Variants in ACBD5 observed in about 807,000 individuals in gnomAD.
ACBD5 encodes acyl-CoA binding domain containing 5.
Under a neutral mutation model 71.8 loss-of-function variants are expected in ACBD5, and 40 were observed. That is an observed-to-expected ratio of 0.56 (90% confidence interval 0.43 to 0.72). ACBD5 has a LOEUF of 0.72. ACBD5 is among the 30% of genes least tolerant of loss of function. ACBD5 has a pLI of 0.00. For missense variants in ACBD5, 559 were observed against 644.5 expected (o/e 0.87, Z 1.44); for synonymous variants, 229 against 218.6 (o/e 1.05, Z -0.42).
downstream of ACBD5, among the ~76,000 whole-genome samples, chr10:27,194,735 C>T (rs985117685): frequency 1.2e-4 from 18 of 151,892 alleles, no homozygotes; most frequent in Admixed American, 7.2e-4. Flanking sequence ...CAGTGGCTCA[C>T]GCCTGTCATC....
At chr10:27,237,585 G>GA (rs2064885664) in intron 2 of ACBD5, among the ~76,000 whole-genome samples, 1 of 150,428 alleles carries the variant, frequency 6.6e-6, no homozygotes. Context: ...CAGTATACTG[G>GA]ATGTTGTCCA....
intron 13 of ACBD5, among the ~76,000 whole-genome samples, chr10:27,184,018 G>A (rs560034112): frequency 6.6e-6 from 1 of 152,128 alleles, no homozygotes; most frequent in African/African-American, 2.4e-5. Flanking sequence ...GGCCCAGTTT[G>A]TTTACTCACT....
rs778319933 is a variant in ACBD5 at position 27,208,366 on chromosome 10, G to A, written c.1284C>T (p.Ser428=). Residue 428 remains serine (S), a synonymous_variant, in exon 10 of 13, where the codon TCC becomes TCT. Coordinates refer to ENST00000396271, the MANE Select transcript of ACBD5 (RefSeq NM_145698.5). ...GSGGDGERWG[S]DRGSRGSLNE... The stretch of plus-strand genomic sequence containing the variant: ...TGAGGCTGCCTCGGGACCCTCTGTC[G>A]GAGCCCCAGCGCTCCCCATCACCTC... 42 of 1,614,042 alleles carry A rather than the reference G, an allele frequency of 2.6e-5. No homozygotes were observed. The Middle Eastern group carries it at 8.2e-4, about 32-fold the overall frequency.
chr10:27,215,666 A>T (rs200819969), intron 7 of ACBD5, 25 bp from the exon 8 acceptor site: 1 of 1,518,016 alleles, frequency 6.6e-7, no homozygotes, highest in Non-Finnish European at 9.1e-7. Context: ...AAGTGCAGAT[A>T]GGGTAATTAT....
upstream of ACBD5, among the ~76,000 whole-genome samples, chr10:27,241,739 A>G (rs1327803707): frequency 2.6e-5 from 4 of 152,204 alleles, no homozygotes; most frequent in Non-Finnish European, 5.9e-5. Context: ...AAATAAAAAT[A>G]GGATACTGGG....
intron 9 of ACBD5, among the ~76,000 whole-genome samples, chr10:27,209,751 A>ATGG (rs1409708173): frequency 1.3e-5 from 2 of 152,236 alleles, no homozygotes; most frequent in Non-Finnish European, 2.9e-5. Context: ...CAAAATTGGC[A>ATGG]TTACCCCTTA....
upstream of ACBD5, among the ~76,000 whole-genome samples, chr10:27,241,496 A>T (rs1172453485): frequency 3.3e-5 from 5 of 152,050 alleles, no homozygotes; most frequent in Admixed American, 3.3e-4. Context: ...GCTGGGACGG[A>T]GGGCAACTTC....
chr10:27,234,682 A>G (rs1023638784), intron 3 of ACBD5, among the ~76,000 whole-genome samples: 10 of 152,240 alleles, frequency 6.6e-5, no homozygotes, highest in African/African-American at 2.4e-4. Context: ...CTGTAATCCC[A>G]GCACTTCGGG....
chr10:27,214,381 T>G (rs949291066), intron 8 of ACBD5, among the ~76,000 whole-genome samples: 6 of 151,852 alleles, frequency 4.0e-5, no homozygotes, highest in Admixed American at 6.6e-5. Flanking sequence ...TTTTTTATAT[T>G]TTACAAAAAT....
intron 13 of ACBD5, among the ~76,000 whole-genome samples, chr10:27,187,857 CATTT>C (rs1179606945): frequency 4.6e-5 from 7 of 152,010 alleles, no homozygotes; most frequent in Admixed American, 3.9e-4. Context: ...ATCTTATTGT[CATTT>C]ATTTAAAACA....
chr10:27,203,458 G>A (rs976286329), intron 12 of ACBD5, among the ~76,000 whole-genome samples: 16 of 152,322 alleles, frequency 1.1e-4, no homozygotes, highest in Admixed American at 3.9e-4. Flanking sequence ...GTAACCTCCG[G>A]ATGGGCACAG....
downstream of ACBD5, chr10:27,193,481 C>T (rs948437910): frequency 4.0e-5 from 6 of 151,510 alleles, no homozygotes; most frequent in African/African-American, 9.7e-5. Flanking sequence ...TTGATCTTAG[C>T]CAAAAGGCTA....
In ACBD5 at chr10:27,197,379, TTC is replaced by T; in HGVS notation, c.*49_*50del. 1.3e-6 allele frequency: 2 copies of T among 1,574,424 alleles called. No homozygotes were observed. Among genetic ancestry groups the T allele is most frequent in the South Asian group, 1.1e-5 (1 of 89,786 alleles). ...CTTGTGAACACCACAATCCAGTTCATTCTGAGGTCATCCAGTTCCAGTAGTCT... is the reference window on the plus strand; with the variant it reads ...CTTGTGAACACCACAATCCAGTTCATTGAGGTCATCCAGTTCCAGTAGTCT... On this transcript the variant is annotated 3_prime_UTR_variant, in exon 13 of 13. Transcript: ENST00000396271.
At chr10:27,228,815 ATTTTTTT>A (rs1167438554) in intron 4 of ACBD5, among the ~76,000 whole-genome samples, 399 of 20,290 alleles carry the variant, frequency 0.02, 3 homozygotes, top group African/African-American at 0.043. Flanking sequence ...ATATATATAT[ATTTTTTT>A]TTTTTTTTTT....
intron 8 of ACBD5, among the ~76,000 whole-genome samples, chr10:27,213,734 G>A (rs1434372795): frequency 6.7e-6 from 1 of 148,694 alleles, no homozygotes; most frequent in Non-Finnish European, 1.5e-5. Flanking sequence ...TCTAGCCTGG[G>A]CAACAAGAGG....
chr10:27,232,325 GTT>G (rs370593315), intron 3 of ACBD5: 82,777 of 115,184 alleles, frequency 0.72, 28,912 homozygotes, highest in African/African-American at 0.8. Flanking sequence ...TCAGGCATGG[GTT>G]TTTTTTTTTT....
intron 2 of ACBD5, 73 bp from the exon 3 acceptor site, chr10:27,235,285 C>CT: frequency 6.5e-7 from 1 of 1,542,206 alleles, no homozygotes; most frequent in South Asian, 1.1e-5. Flanking sequence ...ATTAGCTTAG[C>CT]TATACTAATA....
intron 13 of ACBD5, among the ~76,000 whole-genome samples, chr10:27,186,075 C>T (rs1436646912): frequency 6.7e-6 from 1 of 149,296 alleles, no homozygotes; most frequent in East Asian, 1.9e-4. Context: ...GGCAACGGAG[C>T]GAGACCTCGT....
At chr10:27,213,834 A>G (rs2061358823) in intron 8 of ACBD5, among the ~76,000 whole-genome samples, 1 of 152,176 alleles carries the variant, frequency 6.6e-6, no homozygotes, top group South Asian at 2.1e-4. Flanking sequence ...CCCAAAAGAA[A>G]GGAAATCAAT....
Sources: allele counts gnomAD v4.1 joint callset (sites outside exome capture counted in the v4.1 genomes callset), GRCh38; gene constraint gnomAD v4.1.1; transcripts MANE v1.5; gene names NCBI Gene and HGNC (gene_info 2026-07-23, HGNC 2026-07-21).